Variants in POU2F1 observed in about 807,000 individuals in gnomAD.
The protein encoded by POU2F1 is POU class 2 homeobox 1.
In POU2F1, 16 loss-of-function variants were observed where a neutral mutation model predicts 84.9. The observed-to-expected ratio is 0.19, with a 90% CI of 0.13 to 0.29. The LOEUF (loss-of-function observed/expected upper bound fraction) is 0.29, where lower values mean the gene tolerates loss of function less well. Ranked by LOEUF, POU2F1 falls within the 10% of genes least tolerant of loss-of-function variation. The pLI is 1.00. For synonymous variants in POU2F1, 368 were observed against 368.3 expected (o/e 1.00, Z 0.01); for missense variants, 738 against 942.6 (o/e 0.78, Z 2.84).
chr1:167,259,145 T>C (rs1651365496), intron 1 of POU2F1, among the ~76,000 whole-genome samples: 1 of 152,236 alleles, frequency 6.6e-6, no homozygotes, highest in Non-Finnish European at 1.5e-5. Context: ...CTGCTTCACA[T>C]GGTTTTATCC....
chr1:167,259,884 CTT>C (rs974546780), intron 1 of POU2F1, among the ~76,000 whole-genome samples: 2 of 145,138 alleles, frequency 1.4e-5, no homozygotes. Flanking sequence ...CATTGCGTTT[CTT>C]TTTTTTTTTT....
At chr1:167,408,433 A>C (rs919024033) in intron 13 of POU2F1, among the ~76,000 whole-genome samples, 3 of 152,222 alleles carry the variant, frequency 2.0e-5, no homozygotes, top group African/African-American at 7.2e-5. Context: ...CCTTATTTAT[A>C]ATATCCAAGA....
At chr1:167,335,100 C>T (rs1423191289) in intron 2 of POU2F1, among the ~76,000 whole-genome samples, 2 of 152,048 alleles carry the variant, frequency 1.3e-5, no homozygotes, top group East Asian at 3.8e-4. Flanking sequence ...TCAAATAGTC[C>T]TTTTATGTTT....
intron 2 of POU2F1, among the ~76,000 whole-genome samples, chr1:167,344,936 G>A (rs1426761033): frequency 5.3e-5 from 8 of 152,136 alleles, no homozygotes; most frequent in African/African-American, 9.7e-5. Context: ...GTTGGAAGCC[G>A]TCATCCTCAG....
chr1:167,266,567 G>A (rs1271154829), intron 1 of POU2F1, among the ~76,000 whole-genome samples: 1 of 151,780 alleles, frequency 6.6e-6, no homozygotes, highest in Non-Finnish European at 1.5e-5. Context: ...AAGGGAAACA[G>A]CCACTGTCAC....
intron 1 of POU2F1, among the ~76,000 whole-genome samples, chr1:167,304,010 A>G (rs902411165): frequency 7.9e-5 from 12 of 152,336 alleles, no homozygotes; most frequent in Admixed American, 5.2e-4. Flanking sequence ...CCATTTTACA[A>G]ATTACCTACA....
At chr1:167,299,163 C>CAAAAAAAAAAAA (rs71073663) in intron 1 of POU2F1, among the ~76,000 whole-genome samples, 1 of 96,856 alleles carries the variant, frequency 1.0e-5, no homozygotes, top group Non-Finnish European at 2.0e-5. Context: ...AACGCCATCT[C>CAAAAAAAAAAAA]AAAAAAAAAA....
chr1:167,280,844 G>A (rs780043001), intron 1 of POU2F1, among the ~76,000 whole-genome samples: 11 of 152,132 alleles, frequency 7.2e-5, no homozygotes, highest in South Asian at 2.1e-4. Flanking sequence ...TGCCAAAGGC[G>A]TTTATTAAGT....
chr1:167,398,192 T>G, intron 11 of POU2F1, 59 bp downstream of exon 11: 1 of 1,552,594 alleles, frequency 6.4e-7, no homozygotes, highest in Non-Finnish European at 8.7e-7. Flanking sequence ...TTAACATTAG[T>G]ACTTAGTAGA....
chr1:167,294,469 G>A (rs926690373), intron 1 of POU2F1, among the ~76,000 whole-genome samples: 14 of 152,264 alleles, frequency 9.2e-5, no homozygotes, highest in African/African-American at 2.9e-4. Context: ...ATAATCATCC[G>A]AGTACACAGA....
chr1:167,257,888 C>T (rs1303161947), intron 1 of POU2F1: 3 of 151,928 alleles, frequency 2.0e-5, no homozygotes, highest in Non-Finnish European at 2.9e-5. Context: ...GATTCTTCCT[C>T]CTCAGCCTCC....
At position 167,389,641 on chromosome 1, in the gene POU2F1, G is replaced by A; in HGVS notation, c.867G>A (p.Gln289=). The A allele has an allele frequency of 6.2e-7, 1 of 1,614,184 alleles. No homozygotes were observed. Among genetic ancestry groups the A allele is most frequent in the Non-Finnish European group, 8.5e-7 (1 of 1,180,036 alleles). ...CAACCCCAATTCAGACACTTCCACAGAGCCAGTCAACACCAAAGCGAATTG... is the reference window on the plus strand; with the variant it reads ...CAACCCCAATTCAGACACTTCCACAAAGCCAGTCAACACCAAAGCGAATTG... The part of the protein sequence containing the change: ...IAATPIQTLP[Q]SQSTPKRIDT... Residue 289 remains glutamine, a synonymous_variant, in exon 9 of 16, where the codon CAG becomes CAA. Coordinates refer to ENST00000367866, the MANE Select transcript of POU2F1 (RefSeq NM_002697.4).
At position 167,416,087 on chromosome 1, in the gene POU2F1, T is replaced by TAAAAAACAAAAA; in HGVS notation, c.*283_*284insCAAAAAAAAAAA. ...ATTGGAGAACTTTCTAACCAAAAAT[T>TAAAAAACAAAAA]AAAAAAAAAAAAAAAAAAAGAAACA... is the stretch of plus-strand genomic sequence containing the variant. On this transcript the variant is annotated 3_prime_UTR_variant, in exon 16 of 16. Coordinates refer to ENST00000367866, the MANE Select transcript of POU2F1 (RefSeq NM_002697.4). 1 of 351,044 alleles carries TAAAAAACAAAAA rather than the reference T, an allele frequency of 2.8e-6. No individual in the cohort carries two copies. The highest frequency in any genetic ancestry group is 2.1e-5 in the South Asian group (1 of 47,078). The allele number at this position is 351,044 out of a possible 1,614,324, so 21.7% of individuals were successfully genotyped here. A position where few individuals can be genotyped will look rare whatever the true frequency, so the allele number is the denominator to read the frequency against.
chr1:167,281,987 G>C (rs1653175489), intron 1 of POU2F1, among the ~76,000 whole-genome samples: 1 of 151,808 alleles, frequency 6.6e-6, no homozygotes, highest in South Asian at 2.1e-4. Flanking sequence ...TCTTTATATT[G>C]TTCATACCTA....
chr1:167,384,454 T>G (rs1435402111), intron 8 of POU2F1, among the ~76,000 whole-genome samples: 1 of 152,176 alleles, frequency 6.6e-6, no homozygotes, highest in African/African-American at 2.4e-5. Context: ...TAGACCTGAT[T>G]CCACTTCTTA....
intron 1 of POU2F1, among the ~76,000 whole-genome samples, chr1:167,330,845 C>A (rs887477608): frequency 6.6e-6 from 1 of 152,062 alleles, no homozygotes; most frequent in Non-Finnish European, 1.5e-5. Flanking sequence ...AAAACTGTTA[C>A]TCTTTTTATG....
rs538207385 is a variant in POU2F1, at chr1:167,416,487, G to A, written c.*677G>A. The A allele has an allele frequency of 6.3e-6, 1 of 159,562 alleles. No homozygotes were observed. Among genetic ancestry groups the A allele is most frequent in the East Asian group, 1.9e-4 (1 of 5,390 alleles). The allele number at this position is 159,562 out of a possible 1,614,324, so 9.9% of individuals were successfully genotyped here. On this transcript the variant is annotated 3_prime_UTR_variant, in exon 16 of 16. Coordinates refer to ENST00000367866, the MANE Select transcript of POU2F1 (RefSeq NM_002697.4). ...GAGCTCCCACACTGTGGGGAGGGAG[G>A]GTTTTGGGGTAAGGGGAGACTTCTG...
At chr1:167,329,072 T>C in intron 1 of POU2F1, 11 of 1,209,968 alleles carry the variant, frequency 9.1e-6, no homozygotes, top group Non-Finnish European at 1.0e-5. Context: ...GAAGTTTCCT[T>C]ATTCAGTTGA....
chr1:167,350,384 A>G (rs917288079), intron 2 of POU2F1, among the ~76,000 whole-genome samples: 1 of 152,214 alleles, frequency 6.6e-6, no homozygotes, highest in Admixed American at 6.5e-5. Flanking sequence ...TCTGCAACCA[A>G]CTTTCTTACT....
Sources: allele counts gnomAD v4.1 joint callset (sites outside exome capture counted in the v4.1 genomes callset), GRCh38; gene constraint gnomAD v4.1.1; transcripts MANE v1.5; gene names NCBI Gene and HGNC (gene_info 2026-07-23, HGNC 2026-07-21).